ADGRA3: variants seen among roughly 807,000 people sequenced by gnomAD.
ADGRA3 encodes the protein adhesion G protein-coupled receptor A3, also known as G-protein coupled receptor 125.
ADGRA3 carries 56 observed loss-of-function variants against 119.8 expected under a neutral mutation model. That is an observed-to-expected ratio of 0.47 (90% CI 0.38 to 0.58). The LOEUF is 0.58. Ranked by LOEUF, ADGRA3 falls within the 20% of genes least tolerant of loss-of-function variation. The probability of loss-of-function intolerance (pLI) is 0.00; values close to 1 mark genes in which losing one functional copy is unlikely to be tolerated. For missense variants in ADGRA3, 1,516 were observed against 1,649.0 expected, an observed-to-expected ratio of 0.92 and a Z score of 1.40; for synonymous variants, 607 against 623.8, an observed-to-expected ratio of 0.97 and a Z score of 0.40.
chr4:22,424,356 G>C lies in ADGRA3; in HGVS notation c.1444-4C>G. The stretch of plus-strand genomic sequence containing the variant: ...TGTCAACCATCACGTCACCTAGCTA[G>C]CAGGGGTTCAGGAGAAAAAAGAAAG... On this transcript the variant is annotated splice_polypyrimidine_tract_variant and splice_region_variant and intron_variant, in intron 10 of 18. Transcript: ENST00000334304. 1 of 1,611,588 alleles carries C rather than the reference G, an allele frequency of 6.2e-7. No individual in the cohort carries two copies. The highest frequency in any genetic ancestry group is 8.5e-7 in the Non-Finnish European group (1 of 1,178,484).
At chr4:22,430,575 T>C (rs149400633) in intron 10 of ADGRA3, among the ~76,000 whole-genome samples, 1,713 of 152,228 alleles carry the variant, frequency 0.011, 45 homozygotes, top group East Asian at 0.042. Context: ...AAGAGGTGAC[T>C]TGAGTGCCGT....
intron 10 of ADGRA3, among the ~76,000 whole-genome samples, chr4:22,432,046 A>T (rs1045859429): frequency 2.6e-5 from 4 of 152,140 alleles, no homozygotes; most frequent in Admixed American, 2.6e-4. Context: ...GTTGAAGCCA[A>T]GCAGAGGTAC....
intron 1 of ADGRA3, among the ~76,000 whole-genome samples, chr4:22,500,398 G>A (rs1719011001): frequency 6.6e-6 from 1 of 152,210 alleles, no homozygotes; most frequent in Admixed American, 6.5e-5. Flanking sequence ...GCAATCAGGT[G>A]AGAGGTTATG....
At chr4:22,417,121 T>C (rs1322381432) in intron 12 of ADGRA3, among the ~76,000 whole-genome samples, 1 of 152,212 alleles carries the variant, frequency 6.6e-6, no homozygotes, top group African/African-American at 2.4e-5. Context: ...TCCTAATTAT[T>C]TTCTTGTGTA....
chr4:22,452,361 T>C (rs1028045222), intron 4 of ADGRA3, among the ~76,000 whole-genome samples: 1 of 152,154 alleles, frequency 6.6e-6, no homozygotes, highest in African/African-American at 2.4e-5. Context: ...AATCTATGCC[T>C]GTAACAAAAC....
intron 1 of ADGRA3, among the ~76,000 whole-genome samples, chr4:22,481,731 G>A (rs1560339203): frequency 6.6e-6 from 1 of 152,204 alleles, no homozygotes; most frequent in Non-Finnish European, 1.5e-5. Flanking sequence ...TGCTAGGACA[G>A]CAGAGTTGAG....
chr4:22,413,965 A>T, intron 12 of ADGRA3, 151 bp from the exon 13 acceptor site: 4 of 558,648 alleles, frequency 7.2e-6, no homozygotes, highest in Non-Finnish European at 1.2e-5. Flanking sequence ...AAAAATCATC[A>T]GTCAAGCGAA....
At chr4:22,493,363 C>CT (rs1281195577) in intron 1 of ADGRA3, among the ~76,000 whole-genome samples, 4 of 152,188 alleles carry the variant, frequency 2.6e-5, no homozygotes, top group African/African-American at 9.7e-5. Flanking sequence ...CAAAAAGATC[C>CT]TTCATAGATG....
chr4:22,416,856 A>G (rs1211870680), intron 12 of ADGRA3, among the ~76,000 whole-genome samples: 2 of 152,304 alleles, frequency 1.3e-5, no homozygotes, highest in African/African-American at 4.8e-5. Flanking sequence ...CTAAAAGGAA[A>G]ATGATAAGCA....
At chr4:22,415,911 G>A (rs1232868282) in intron 12 of ADGRA3, among the ~76,000 whole-genome samples, 1 of 151,914 alleles carries the variant, frequency 6.6e-6, no homozygotes, top group Non-Finnish European at 1.5e-5. Flanking sequence ...ACTCATGGCT[G>A]TTACATATTT....
At chr4:22,389,334 T>C (rs1714010037) in intron 17 of ADGRA3, 151 bp from the exon 18 acceptor site, 4 of 639,180 alleles carry the variant, frequency 6.3e-6, no homozygotes, top group African/African-American at 1.8e-5. Flanking sequence ...GGGAGGCTGA[T>C]TTATTAGCAG....
Position 22,388,115 on chromosome 4 carries a change from CTG to C in ADGRA3, c.3554_3555del (p.Thr1185SerfsTer23). On this transcript the variant is annotated frameshift_variant, in exon 19 of 19. Coordinates refer to ENST00000334304, the MANE Select transcript of ADGRA3 (RefSeq NM_145290.4). LOFTEE classifies it low-confidence loss of function (END_TRUNC). ...ACATCGTAGGCATATTCTCTCAGGA[CTG>C]TGAGTCGGCTTGCCCGGTGTCCTTT... ...RSKGHRASRL[T>X]VLREYAYDVP... 6.2e-7 allele frequency: 1 copy of C among 1,614,172 alleles called. No homozygotes were observed. Among genetic ancestry groups the C allele is most frequent in the African/African-American group, 1.3e-5 (1 of 75,076 alleles).
intron 16 of ADGRA3, among the ~76,000 whole-genome samples, chr4:22,401,138 T>G (rs1201681522): frequency 1.3e-5 from 2 of 152,148 alleles, no homozygotes; most frequent in African/African-American, 4.8e-5. Context: ...TCAGCCAAAG[T>G]CAGAATTTCA....
At chr4:22,492,501 G>C (rs574733163) in intron 1 of ADGRA3, among the ~76,000 whole-genome samples, 5 of 152,280 alleles carry the variant, frequency 3.3e-5, no homozygotes, top group Non-Finnish European at 5.9e-5. Flanking sequence ...GGGGAAAACA[G>C]AACAAAATAA....
intron 7 of ADGRA3, among the ~76,000 whole-genome samples, chr4:22,440,469 T>G (rs7658694): frequency 6.6e-6 from 1 of 152,150 alleles, no homozygotes; most frequent in Non-Finnish European, 1.5e-5. Context: ...TTTCTTTCTT[T>G]TATTATTCTG....
At chr4:22,504,822 C>T (rs1035266724) in intron 1 of ADGRA3, among the ~76,000 whole-genome samples, 2 of 152,004 alleles carry the variant, frequency 1.3e-5, no homozygotes, top group African/African-American at 4.8e-5. Context: ...GTTCTCAACC[C>T]AAGTGTTACC....
intron 2 of ADGRA3, among the ~76,000 whole-genome samples, chr4:22,467,861 A>G (rs981171949): frequency 2.6e-5 from 4 of 152,214 alleles, no homozygotes; most frequent in African/African-American, 9.6e-5. Flanking sequence ...CATAAATGAA[A>G]AAAGCACAAT....
chr4:22,462,925 CTA>C (rs1717518390), intron 2 of ADGRA3, among the ~76,000 whole-genome samples: 2 of 152,148 alleles, frequency 1.3e-5, no homozygotes, highest in Non-Finnish European at 2.9e-5. Context: ...AAGTGTTTGG[CTA>C]GACCTCTGTG....
rs1396742295 is a variant in ADGRA3 at position 22,421,094 on chromosome 4, A to G, written c.1606-5T>C. 2 of 1,611,446 alleles carry G rather than the reference A, an allele frequency of 1.2e-6. No individual in the cohort carries two copies. The highest frequency in any genetic ancestry group is 2.7e-5 in the African/African-American group (2 of 74,964). On this transcript the variant is annotated splice_polypyrimidine_tract_variant and splice_region_variant and intron_variant, in intron 11 of 18. Coordinates refer to ENST00000334304, the MANE Select transcript of ADGRA3 (RefSeq NM_145290.4). ...CAGAGCAATATTGGGTGAATACTTGAAAAGTCAATCAAACAGGAGTTATGA... is the reference window on the plus strand; with the variant it reads ...CAGAGCAATATTGGGTGAATACTTGGAAAGTCAATCAAACAGGAGTTATGA...
Sources: gnomAD v4.1 joint callset for allele counts (sites outside exome capture counted in the v4.1 genomes callset) on GRCh38, gnomAD v4.1.1 for gene constraint, MANE v1.5 for transcripts, NCBI Gene and HGNC (gene_info 2026-07-23, HGNC 2026-07-21) for gene names.